The following PTPRK variants were observed in gnomAD, a reference collection of about 807,000 sequenced individuals.
PTPRK encodes the protein receptor-type tyrosine-protein phosphatase kappa.
A neutral mutation model predicts 178.0 loss-of-function variants in PTPRK; 75 were observed. The ratio of observed to expected loss-of-function variants is 0.42; its 90% CI spans 0.35 to 0.51. The LOEUF (loss-of-function observed/expected upper bound fraction) is 0.51. Among genes scored for constraint, PTPRK ranks in the 20% least tolerant of loss-of-function variants. The pLI is 0.02. For missense variants in PTPRK, 1,441 were observed against 1,797.8 expected (o/e 0.80, Z 3.59); for synonymous variants, 637 against 620.6 (o/e 1.03, Z -0.39).
At chr6:128,302,688 T>A (rs1443602122) in intron 3 of PTPRK, among the ~76,000 whole-genome samples, 1 of 152,152 alleles carries the variant, frequency 6.6e-6, no homozygotes, top group African/African-American at 2.4e-5. Flanking sequence ...TCTGGCCCCT[T>A]TTGCAGGCTC....
chr6:128,515,093 C>T (rs1006316681), intron 1 of PTPRK, among the ~76,000 whole-genome samples: 1 of 152,126 alleles, frequency 6.6e-6, no homozygotes, highest in Non-Finnish European at 1.5e-5. Context: ...AACATCATAA[C>T]ATTTTTTCAG....
In PTPRK at chr6:128,067,664, G is replaced by A; in HGVS notation, c.2012C>T (p.Ala671Val). 6.2e-7 allele frequency: 1 copy of A among 1,613,770 alleles called. No individual in the cohort carries two copies. The highest frequency in any genetic ancestry group is 8.5e-7 in the Non-Finnish European group (1 of 1,179,772). ...TAGGTTTCCCGGGGGGAGTTCTGCA[G>A]CAAAGTAATACGGTGCACCCCCACT... ...AMSGGAPYYF[A>V]AELPPGNLPE... Residue 671 changes from alanine to valine, a missense_variant, in exon 12 of 30, where the codon GCT becomes GTT. Physicochemically the swap from Ala to Val is moderately conservative, Grantham distance 64. Around this residue, in one of 4 missense-constraint regions of PTPRK, gnomAD observed 945 missense variants for 1,080.6 expected, o/e 0.87. Transcript: ENST00000368226.
chr6:128,192,929 A>AGGGGGAAG lies in PTPRK; in HGVS notation c.869-8212_869-8205dup, dbSNP rs1455011865. ...GGAAGAGAAGAAGGGAGAAAGGGAGAGGGGGAAGGAGGGAAGGAGGGAAGG... is the reference window on the plus strand; with the variant it reads ...GGAAGAGAAGAAGGGAGAAAGGGAGAGGGGGAAGGGGGGAAGGAGGGAAGGAGGGAAGG... On this transcript the variant is annotated intron_variant, in intron 6 of 29. Coordinates refer to ENST00000368226, the MANE Select transcript of PTPRK (RefSeq NM_002844.4). Among the ~76,000 whole-genome samples, 3 of 143,078 alleles carry AGGGGGAAG rather than the reference A, an allele frequency of 2.1e-5. No homozygotes were observed. In the Admixed American group the frequency reaches 2.1e-4, roughly 10 times the overall value. 93.9% of individuals were successfully genotyped at this position (143,078 alleles called of 152,430 possible).
intron 3 of PTPRK, among the ~76,000 whole-genome samples, chr6:128,247,529 G>A (rs1815695116): frequency 6.6e-6 from 1 of 151,956 alleles, no homozygotes; most frequent in Non-Finnish European, 1.5e-5. Flanking sequence ...ATGTTGGCTA[G>A]GCTGGTCTCG....
intron 7 of PTPRK, among the ~76,000 whole-genome samples, chr6:128,121,606 CATGTTA>C (rs1265818256): frequency 2.6e-5 from 4 of 152,028 alleles, no homozygotes; most frequent in African/African-American, 9.6e-5. Context: ...TTGAAAAAAG[CATGTTA>C]ATACTATTTT....
intron 2 of PTPRK, among the ~76,000 whole-genome samples, chr6:128,392,159 G>C (rs1194857099): frequency 6.6e-6 from 1 of 152,094 alleles, no homozygotes. Flanking sequence ...AAAACACTTA[G>C]AGACATATGG....
At chr6:128,103,194 C>G (rs1789083902) in intron 7 of PTPRK, among the ~76,000 whole-genome samples, 1 of 152,036 alleles carries the variant, frequency 6.6e-6, no homozygotes, top group Non-Finnish European at 1.5e-5. Context: ...GAGAGGAGAT[C>G]AGCCGTGAAA....
chr6:127,970,394 T>C, intron 29 of PTPRK, 114 bp from the exon 30 acceptor site: 1 of 691,748 alleles, frequency 1.4e-6, no homozygotes, highest in Non-Finnish European at 2.3e-6. Context: ...GATTACAATT[T>C]ATTTTTTCTA....
chr6:128,345,033 ATTTT>A (rs66515832), intron 2 of PTPRK, among the ~76,000 whole-genome samples: 496 of 144,784 alleles, frequency 3.4e-3, no homozygotes, highest in Non-Finnish European at 3.4e-3. Flanking sequence ...AAGCCAGGTG[ATTTT>A]TTTTTTTTTT....
At chr6:128,356,116 T>C (rs76976716) in intron 2 of PTPRK, among the ~76,000 whole-genome samples, 12,045 of 152,196 alleles carry the variant, frequency 0.079, 610 homozygotes, top group Non-Finnish European at 0.12. Context: ...TTCTCTCTAT[T>C]TGCAAGGTCT....
At chr6:128,477,414 A>T (rs1259769651) in intron 1 of PTPRK, among the ~76,000 whole-genome samples, 1 of 151,724 alleles carries the variant, frequency 6.6e-6, no homozygotes, top group East Asian at 1.9e-4. Flanking sequence ...GGTTGCATTC[A>T]ACATTTACCA....
chr6:128,196,865 G>C (rs924440104), intron 6 of PTPRK, among the ~76,000 whole-genome samples: 8 of 152,064 alleles, frequency 5.3e-5, no homozygotes, highest in Admixed American at 2.6e-4. Context: ...TCCACGCTCA[G>C]CCAGGTCAGC....
intron 1 of PTPRK, among the ~76,000 whole-genome samples, chr6:128,409,039 G>T (rs1193102253): frequency 2.0e-5 from 3 of 152,170 alleles, no homozygotes; most frequent in Non-Finnish European, 4.4e-5. Context: ...TTACAAAAAT[G>T]GAAAGAAGAC....
chr6:128,315,789 AC>A (rs530776762), intron 3 of PTPRK, among the ~76,000 whole-genome samples: 26 of 152,328 alleles, frequency 1.7e-4, no homozygotes, highest in Non-Finnish European at 2.8e-4. Context: ...TGAAATCACC[AC>A]AGCACAAAAG....
chr6:128,211,769 T>C lies in PTPRK; in HGVS notation c.868+7153A>G, dbSNP rs1438682446. 3.3e-5 allele frequency among the ~76,000 whole-genome samples: 5 copies of C among 152,096 alleles called. No individual in the cohort carries two copies. The East Asian group carries it at 9.6e-4, about 29-fold the overall frequency. ...AAAAACTCACCTGTAAGTCATATAG[T>C]GGTAGAGAACCCTGCTATTAATGAC... On this transcript the variant is annotated intron_variant, in intron 6 of 29. Transcript: ENST00000368226.
At chr6:128,128,050 A>G (rs1793657502) in intron 7 of PTPRK, among the ~76,000 whole-genome samples, 1 of 152,230 alleles carries the variant, frequency 6.6e-6, no homozygotes, top group Non-Finnish European at 1.5e-5. Context: ...AGGCCAATAT[A>G]TGATGGCTGC....
chr6:128,260,072 A>C (rs924431001), intron 3 of PTPRK, among the ~76,000 whole-genome samples: 1 of 152,208 alleles, frequency 6.6e-6, no homozygotes, highest in African/African-American at 2.4e-5. Context: ...TTGAATATTT[A>C]TAAGTATTTA....
intron 5 of PTPRK, among the ~76,000 whole-genome samples, chr6:128,236,212 G>A (rs1813230506): frequency 6.6e-6 from 1 of 151,992 alleles, no homozygotes; most frequent in Non-Finnish European, 1.5e-5. Flanking sequence ...GTCTGTTCAT[G>A]TGGAAAAAAT....
chr6:128,495,895 T>G (rs1439071903), intron 1 of PTPRK, among the ~76,000 whole-genome samples: 1 of 152,202 alleles, frequency 6.6e-6, no homozygotes, highest in Non-Finnish European at 1.5e-5. Flanking sequence ...ATGCACCGCA[T>G]TCTCTCCAGT....
Sources: gnomAD v4.1 joint callset for allele counts (sites outside exome capture counted in the v4.1 genomes callset) on GRCh38, gnomAD v4.1.1 for gene constraint, gnomAD v4.1.1 regional missense constraint, MANE v1.5 for transcripts, NCBI Gene and HGNC (gene_info 2026-07-23, HGNC 2026-07-21) for gene names.